The following DAB2IP variants were observed in gnomAD, a reference collection of about 807,000 sequenced individuals.
The protein encoded by DAB2IP is DAB2 interacting protein.
In DAB2IP, 28 loss-of-function variants were observed where a neutral mutation model predicts 107.2. The ratio of observed to expected loss-of-function variants is 0.26; its 90% CI spans 0.19 to 0.36. The LOEUF is 0.36. Ranked by LOEUF, DAB2IP falls within the 10% of genes least tolerant of loss-of-function variation. The pLI is 1.00. For missense variants in DAB2IP, 1,400 were observed against 1,644.7 expected, an observed-to-expected ratio of 0.85 and a Z score of 2.57; for synonymous variants, 755 against 706.4, an observed-to-expected ratio of 1.07 and a Z score of -1.09.
At position 121,595,331 on chromosome 9, in the gene DAB2IP, A is replaced by T. The variant is rs560633273; in HGVS notation, c.40+28103A>T. On this transcript the variant is annotated intron_variant, in intron 1 of 16. Coordinates refer to the DAB2IP transcript ENST00000259371. The stretch of plus-strand genomic sequence containing the variant: ...ACCAAGCATGAGCATGGTGGCTTAT[A>T]CCTGTAATCCCAGCACTTTAGGAGG... Among the ~76,000 whole-genome samples the T allele has an allele frequency of 2.6e-5, 4 of 152,152 alleles. No individual in the cohort carries two copies. In the South Asian group the frequency reaches 8.3e-4, roughly 32 times the overall value.
In DAB2IP at chr9:121,772,200, C is replaced by G. The variant is rs1244715365; in HGVS notation, c.2079-407C>G. On this transcript the variant is annotated intron_variant, in intron 11 of 15. Coordinates refer to ENST00000408936, the Ensembl canonical transcript of DAB2IP. This position sits in a 1 kb window ranked among gnomAD's most constrained non-coding sequence, Gnocchi z 4.7. ...AACAAGAGGGAAGAGGCAGAGGGAA[C>G]CCAGTGACTCTGAAGTTGGGGTTCT... is the stretch of plus-strand genomic sequence containing the variant. Among the ~76,000 whole-genome samples the G allele has an allele frequency of 6.6e-6, 1 of 152,208 alleles. No individual in the cohort carries two copies. The highest frequency in any genetic ancestry group is 1.9e-4 in the East Asian group (1 of 5,184).
At position 121,701,236 on chromosome 9, in the gene DAB2IP, C is replaced by T. The variant is rs1279818698; in HGVS notation, c.362+1778C>T. Among the ~76,000 whole-genome samples, 4 of 152,212 alleles carry T rather than the reference C, an allele frequency of 2.6e-5. No individual in the cohort carries two copies. The highest frequency in any genetic ancestry group is 9.6e-5 in the African/African-American group (4 of 41,466). ...GGCGGCATGCATGTCATGTTTACCTCCTTACAGCGGGAAGCCTGTACCTAG... is the reference window on the plus strand; with the variant it reads ...GGCGGCATGCATGTCATGTTTACCTTCTTACAGCGGGAAGCCTGTACCTAG... On this transcript the variant is annotated intron_variant, in intron 3 of 15. Transcript: ENST00000408936. This position sits in a 1 kb window ranked among gnomAD's most constrained non-coding sequence, Gnocchi z 4.7.
intron 3 of DAB2IP, among the ~76,000 whole-genome samples, chr9:121,716,090 A>G (rs950011437): frequency 1.3e-5 from 2 of 152,188 alleles, no homozygotes; most frequent in Non-Finnish European, 1.5e-5. Flanking sequence ...GGGCTCTGGA[A>G]TCTGTATTCC....
At chr9:121,592,936 C>T (rs143789954) in intron 1 of DAB2IP, among the ~76,000 whole-genome samples, 1 of 152,122 alleles carries the variant, frequency 6.6e-6, no homozygotes, top group African/African-American at 2.4e-5. Flanking sequence ...TTTAGTTCTA[C>T]AGTGTTGTAC....
In DAB2IP at chr9:121,601,530, A is replaced by G. The variant is rs529504867; in HGVS notation, c.40+34302A>G. Reference sequence around the variant, plus strand: ...CCTTGGGGCATTTCTTACTGTCTCAATTATTCACTGTGGTCCCCTGGTGCC... The same window carrying G: ...CCTTGGGGCATTTCTTACTGTCTCAGTTATTCACTGTGGTCCCCTGGTGCC... On this transcript the variant is annotated intron_variant, in intron 1 of 16. Coordinates refer to the DAB2IP transcript ENST00000259371. 1.0e-3 allele frequency among the ~76,000 whole-genome samples: 157 copies of G among 152,236 alleles called. 1 individual carries two copies. The highest frequency in any genetic ancestry group is 3.5e-3 in the African/African-American group (145 of 41,544).
intron 3 of DAB2IP, among the ~76,000 whole-genome samples, chr9:121,723,279 T>C (rs2118826515): frequency 6.6e-6 from 1 of 152,364 alleles, no homozygotes; most frequent in South Asian, 2.1e-4. Context: ...GCTGAGGACT[T>C]CGAGAGCACA....
intron 1 of DAB2IP, among the ~76,000 whole-genome samples, chr9:121,577,524 C>T (rs1010245509): frequency 2.6e-5 from 4 of 152,218 alleles, no homozygotes; most frequent in Non-Finnish European, 4.4e-5. Context: ...CACGTGAGGG[C>T]GTGGGGGGCC....
rs1418782594 is a variant in DAB2IP, at chr9:121,736,701, TCC to T, written c.363-20308_363-20307del. On this transcript the variant is annotated intron_variant, in intron 3 of 15. Coordinates refer to ENST00000408936, the Ensembl canonical transcript of DAB2IP. The surrounding 1 kb of genome is among the most constrained non-coding windows in gnomAD (Gnocchi z 4.6). The stretch of plus-strand genomic sequence containing the variant: ...TTGGCGCGCCCCCAAATCTTTTGGT[TCC>T]CCCGCTCCTGCCTTCCACTGCTCTG... Among the ~76,000 whole-genome samples the T allele has an allele frequency of 2.0e-5, 3 of 152,144 alleles. No individual in the cohort carries two copies. In the East Asian group the frequency reaches 5.8e-4, roughly 29 times the overall value.
At chr9:121,571,957 G>A (rs923184217) in intron 1 of DAB2IP, among the ~76,000 whole-genome samples, 5 of 147,916 alleles carry the variant, frequency 3.4e-5, no homozygotes, top group African/African-American at 1.0e-4. Context: ...ATTGGCCTTA[G>A]TTTCCCTAGG....
chr9:121,617,324 AAAAAC>A (rs1198524903), intron 1 of DAB2IP, among the ~76,000 whole-genome samples: 1 of 152,200 alleles, frequency 6.6e-6, no homozygotes, highest in Admixed American at 6.5e-5. Flanking sequence ...ACTCTGTCTC[AAAAAC>A]AAAACAAAAC....
chr9:121,711,766 G>A (rs74514593), intron 3 of DAB2IP, among the ~76,000 whole-genome samples: 3 of 152,188 alleles, frequency 2.0e-5, no homozygotes, highest in East Asian at 1.9e-4. Context: ...CAGCTCTCCT[G>A]TGTGTGGGAT....
intron 1 of DAB2IP, among the ~76,000 whole-genome samples, chr9:121,645,390 G>C (rs1832500721): frequency 6.6e-6 from 1 of 152,210 alleles, no homozygotes; most frequent in South Asian, 2.1e-4. Context: ...CAGTATGGAG[G>C]GGAAGCCCAG....
At chr9:121,567,694 GGCCCCAGTGGCT>G (rs1289042206) in intron 1 of DAB2IP, among the ~76,000 whole-genome samples, 1 of 152,152 alleles carries the variant, frequency 6.6e-6, no homozygotes. Flanking sequence ...CGTGTGACAG[GGCCCCAGTGGCT>G]GCCACCGGAG....
At chr9:121,608,712 A>G (rs1015384469) in intron 1 of DAB2IP, among the ~76,000 whole-genome samples, 2 of 152,226 alleles carry the variant, frequency 1.3e-5, no homozygotes, top group African/African-American at 4.8e-5. Context: ...CATTGCAATG[A>G]TGTGCTAACT....
intron 3 of DAB2IP, among the ~76,000 whole-genome samples, chr9:121,722,597 C>T (rs1461229210): frequency 1.3e-5 from 2 of 152,182 alleles, no homozygotes; most frequent in East Asian, 3.9e-4. Flanking sequence ...AAACCCAGGG[C>T]TCCCACTGAC....
At chr9:121,696,848 G>A (rs1188574858) in intron 2 of DAB2IP, among the ~76,000 whole-genome samples, 1 of 152,198 alleles carries the variant, frequency 6.6e-6, no homozygotes, top group African/African-American at 2.4e-5. Flanking sequence ...GATGTGATCG[G>A]TGGGTGGGTC....
chr9:121,699,979 G>T lies in DAB2IP; in HGVS notation c.362+521G>T, dbSNP rs7042603. Among the ~76,000 whole-genome samples the T allele has an allele frequency of 8.1e-3, 1,238 of 152,318 alleles. 17 individuals are homozygous for T. Among genetic ancestry groups the T allele is most frequent in the African/African-American group, 0.028 (1,154 of 41,584 alleles). ...GCTGGGCCACTTAGGGGGCACATCT[G>T]CTCTAAGTAGGGCGCGTGCTCCACT... On this transcript the variant is annotated intron_variant, in intron 3 of 15. Transcript: ENST00000408936. This position sits in a 1 kb window ranked among gnomAD's most constrained non-coding sequence, Gnocchi z 6.2.
chr9:121,582,018 C>T (rs1269195718), intron 1 of DAB2IP, among the ~76,000 whole-genome samples: 1 of 152,182 alleles, frequency 6.6e-6, no homozygotes, highest in Non-Finnish European at 1.5e-5. Context: ...GGGATAGGAC[C>T]TCCCCCTCCT....
chr9:121,661,714 G>A (rs946015589), intron 1 of DAB2IP, among the ~76,000 whole-genome samples: 34 of 152,302 alleles, frequency 2.2e-4, no homozygotes, highest in African/African-American at 8.2e-4. Context: ...CAGGCACCAT[G>A]GTTTATGCCT....
Sources: allele counts gnomAD v4.1 joint callset (sites outside exome capture counted in the v4.1 genomes callset), GRCh38; gene constraint gnomAD v4.1.1; non-coding constraint Gnocchi (gnomAD v3.1); transcripts MANE v1.5; gene names NCBI Gene and HGNC (gene_info 2026-07-23, HGNC 2026-07-21).